INSL6: variants seen among roughly 807,000 people sequenced by gnomAD.
The protein encoded by INSL6 is insulin-like peptide INSL6.
Under a neutral mutation model 9.4 loss-of-function variants are expected in INSL6, and 16 were observed. The observed-to-expected ratio is 1.70, with a 90% CI of 1.15 to 2.59. INSL6 has a LOEUF of 2.59. INSL6 is among the 30% of genes most tolerant of loss of function. INSL6 has a pLI of 0.00. For synonymous variants in INSL6, 154 were observed against 96.9 expected (o/e 1.59, Z -3.46); for missense variants, 391 against 257.3 (o/e 1.52, Z -3.56).
the INSL6 span, among the ~76,000 whole-genome samples, chr9:5,078,824 C>T: frequency 2.0e-5 from 3 of 151,814 alleles, no homozygotes; most frequent in South Asian, 6.2e-4. Flanking sequence ...TTTTTCTATC[C>T]TCTGTGAAGA....
chr9:5,124,127 A>G (rs1259160946), exon 4 of INSL6, among the ~76,000 whole-genome samples: 1 of 151,792 alleles, frequency 6.6e-6, no homozygotes, highest in Non-Finnish European at 1.5e-5. Flanking sequence ...TCAGATACAA[A>G]GTTTGCAAAT....
chr9:5,038,568 T>G, the INSL6 span, among the ~76,000 whole-genome samples: 2 of 150,938 alleles, frequency 1.3e-5, no homozygotes, highest in Non-Finnish European at 2.9e-5. Context: ...TCTGAAATGC[T>G]TGGGACCAGA....
intron 2 of INSL6, among the ~76,000 whole-genome samples, chr9:5,135,277 G>A (rs1370675340): frequency 1.3e-5 from 2 of 152,026 alleles, no homozygotes; most frequent in Admixed American, 6.5e-5. Context: ...ACAGATCAAC[G>A]AGACAGAAAA....
chr9:5,044,847 T>C, the INSL6 span, among the ~76,000 whole-genome samples: 280 of 152,302 alleles, frequency 1.8e-3, 1 homozygote, highest in Middle Eastern at 6.8e-3. Context: ...GGCTAAAATA[T>C]TAGTAACATT....
the INSL6 span, among the ~76,000 whole-genome samples, chr9:5,105,100 GA>G: frequency 6.6e-6 from 1 of 152,168 alleles, no homozygotes; most frequent in African/African-American, 2.4e-5. Context: ...ATTCAATTAG[GA>G]AAAGAGGAAG....
chr9:5,051,062 C>T, the INSL6 span, among the ~76,000 whole-genome samples: 1 of 152,086 alleles, frequency 6.6e-6, no homozygotes, highest in Non-Finnish European at 1.5e-5. Context: ...CTCTAATGAG[C>T]ATTTCCTTTG....
At chr9:5,147,079 G>A (rs1272132816) in intron 2 of INSL6, among the ~76,000 whole-genome samples, 4 of 152,164 alleles carry the variant, frequency 2.6e-5, no homozygotes, top group African/African-American at 9.7e-5. Context: ...GCCTAGAGGG[G>A]TGGTCATCTC....
At chr9:4,992,380 G>T in the INSL6 span, among the ~76,000 whole-genome samples, 42 of 152,180 alleles carry the variant, frequency 2.8e-4, no homozygotes, top group Non-Finnish European at 5.0e-4. Flanking sequence ...ATGTCCTACT[G>T]GTTGTAAGGG....
the INSL6 span, chr9:5,110,730 T>A: frequency 1.4e-5 from 5 of 362,144 alleles, no homozygotes; most frequent in South Asian, 1.1e-4. Flanking sequence ...CTGGCTATAG[T>A]ACCCGTGTTA....
At chr9:5,146,929 G>A (rs1417118104) in intron 2 of INSL6, among the ~76,000 whole-genome samples, 1 of 152,142 alleles carries the variant, frequency 6.6e-6, no homozygotes, top group Non-Finnish European at 1.5e-5. Flanking sequence ...TAGCAAGCAT[G>A]ACCAGGATGG....
intron 3 of INSL6, among the ~76,000 whole-genome samples, chr9:5,128,595 C>T (rs1424417938): frequency 1.3e-5 from 2 of 151,832 alleles, no homozygotes; most frequent in Non-Finnish European, 3.0e-5. Flanking sequence ...TGTGAACTAA[C>T]TTTTCTTAAA....
the INSL6 span, chr9:5,066,733 G>A: frequency 6.2e-7 from 1 of 1,606,916 alleles, no homozygotes; most frequent in South Asian, 1.1e-5. Context: ...TGGACTGTAT[G>A]TACTTCGATG....
downstream of INSL6, among the ~76,000 whole-genome samples, chr9:5,161,514 T>TA (rs1490123373): frequency 6.6e-6 from 1 of 152,222 alleles, no homozygotes; most frequent in Non-Finnish European, 1.5e-5. Flanking sequence ...AACTTTCCTT[T>TA]AATATCTGGA....
the INSL6 span, among the ~76,000 whole-genome samples, chr9:5,028,978 TTTCA>T: frequency 6.6e-6 from 1 of 152,236 alleles, no homozygotes; most frequent in Non-Finnish European, 1.5e-5. Context: ...GCATTTTTAA[TTTCA>T]TTCAAAAACT....
chr9:5,169,327 G>T (rs1825129093), intron 1 of INSL6, among the ~76,000 whole-genome samples: 2 of 152,134 alleles, frequency 1.3e-5, no homozygotes, highest in Non-Finnish European at 2.9e-5. Flanking sequence ...CAAATTCTGA[G>T]GGAATTCATC....
intron 2 of INSL6, among the ~76,000 whole-genome samples, chr9:5,152,529 T>TA (rs1185364867): frequency 1.3e-5 from 2 of 152,152 alleles, no homozygotes; most frequent in Non-Finnish European, 2.9e-5. Flanking sequence ...CATGTAAACT[T>TA]AAAGCTGTGA....
At chr9:5,004,345 T>G in the INSL6 span, among the ~76,000 whole-genome samples, 1 of 152,196 alleles carries the variant, frequency 6.6e-6, no homozygotes, top group African/African-American at 2.4e-5. Context: ...TTCTATGATT[T>G]CTACTTTTTT....
chr9:5,163,968 A>G lies in INSL6; in HGVS notation c.587T>C (p.Ile196Thr). 1.9e-6 allele frequency: 3 copies of G among 1,611,378 alleles called. No individual in the cohort carries two copies. The highest frequency in any genetic ancestry group is 1.7e-6 in the Non-Finnish European group (2 of 1,179,628). ...EELSIACLPY[I>T]DFKRLKEKRS... Reference sequence around the variant, plus strand: ...TTTTTCCTTTAGCCTTTTAAAATCAATATATGGAAGACATGCAATGCTAAG... The same window carrying G: ...TTTTTCCTTTAGCCTTTTAAAATCAGTATATGGAAGACATGCAATGCTAAG... Residue 196 changes from isoleucine (I) to threonine (T), a missense_variant, in exon 2 of 2, where the codon ATT becomes ACT. By Grantham distance (89) the Ile-to-Thr change is moderately conservative. Transcript: ENST00000381641.
At chr9:5,084,091 G>C in the INSL6 span, among the ~76,000 whole-genome samples, 1 of 151,896 alleles carries the variant, frequency 6.6e-6, no homozygotes, top group Non-Finnish European at 1.5e-5. Context: ...CCATAGTTCC[G>C]TGAGCTTAAA....
Sources: allele counts gnomAD v4.1 joint callset (sites outside exome capture counted in the v4.1 genomes callset), GRCh38; gene constraint gnomAD v4.1.1; transcripts MANE v1.5; gene names NCBI Gene and HGNC (gene_info 2026-07-23, HGNC 2026-07-21).